NTF3: variants seen among roughly 807,000 people sequenced by gnomAD.
NTF3 encodes neurotrophin 3.
In NTF3, 8 loss-of-function variants were observed where a neutral mutation model predicts 26.3. That is an observed-to-expected ratio of 0.30 (90% confidence interval 0.18 to 0.55). The LOEUF is 0.55. Ranked by LOEUF, NTF3 falls within the 20% of genes least tolerant of loss-of-function variation. The pLI, the probability that NTF3 is intolerant of heterozygous loss-of-function variation, is 0.93. For missense variants in NTF3, 276 were observed against 352.9 expected (o/e 0.78, Z 1.75); for synonymous variants, 154 against 145.5 (o/e 1.06, Z -0.42).
intron 1 of NTF3, among the ~76,000 whole-genome samples, chr12:5,462,127 A>G (rs1940532929): frequency 6.6e-6 from 1 of 152,212 alleles, no homozygotes; most frequent in Non-Finnish European, 1.5e-5. Flanking sequence ...AGGCATCACT[A>G]ATCAATTACA....
intron 1 of NTF3, among the ~76,000 whole-genome samples, chr12:5,465,838 G>A (rs1187819787): frequency 1.3e-5 from 2 of 152,340 alleles, no homozygotes; most frequent in East Asian, 3.9e-4. Context: ...CCAAGGACTT[G>A]GCATCTATCT....
At chr12:5,460,884 A>AAC (rs147741960) in intron 1 of NTF3, among the ~76,000 whole-genome samples, 9 of 151,954 alleles carry the variant, frequency 5.9e-5, no homozygotes, top group African/African-American at 1.5e-4. Context: ...AACATCTTGG[A>AAC]ACACACACAC....
intron 1 of NTF3, among the ~76,000 whole-genome samples, chr12:5,478,800 G>A (rs559527319): frequency 1.1e-4 from 16 of 152,352 alleles, no homozygotes; most frequent in African/African-American, 3.6e-4. Flanking sequence ...CCTTTTAGGA[G>A]GGCTCTAATC....
chr12:5,447,090 G>A (rs1170333837), intron 1 of NTF3, among the ~76,000 whole-genome samples: 1 of 152,166 alleles, frequency 6.6e-6, no homozygotes, highest in Non-Finnish European at 1.5e-5. Context: ...CTCTGTGTCT[G>A]TCATGTAAGT....
In NTF3 at chr12:5,495,139, A is replaced by G. The variant is rs1940992994; in HGVS notation, c.*151A>G. 8.2e-6 allele frequency: 7 copies of G among 853,198 alleles called. No homozygotes were observed. In the South Asian group the frequency reaches 1.2e-4, roughly 14 times the overall value. 52.9% of individuals were successfully genotyped at this position (853,198 alleles called of 1,614,324 possible). A position where few individuals can be genotyped will look rare whatever the true frequency, so the allele number is the denominator to read the frequency against. On this transcript the variant is annotated 3_prime_UTR_variant, in exon 2 of 2. Transcript: ENST00000423158. The stretch of plus-strand genomic sequence containing the variant: ...ACAGTATATAAGCTTTTTTCTCAAT[A>G]AAATCAGTGTGCTTGCCTTCCCTCA...
chr12:5,458,041 A>T (rs1244075537), intron 1 of NTF3, among the ~76,000 whole-genome samples: 1 of 152,168 alleles, frequency 6.6e-6, no homozygotes, highest in Non-Finnish European at 1.5e-5. Flanking sequence ...TTGAAATCTT[A>T]TAATGGCTCT....
At chr12:5,458,160 C>T (rs933553895) in intron 1 of NTF3, among the ~76,000 whole-genome samples, 1 of 152,140 alleles carries the variant, frequency 6.6e-6, no homozygotes, top group African/African-American at 2.4e-5. Context: ...TTTTGTTTCC[C>T]AGAATGCACA....
rs772851614 is a variant in NTF3 at position 5,494,559 on chromosome 12, G to A, written c.384G>A (p.Pro128=). 5 of 1,614,056 alleles carry A rather than the reference G, an allele frequency of 3.1e-6. No homozygotes were observed. In the South Asian group the frequency reaches 3.3e-5, roughly 11 times the overall value. Residue 128 remains proline (P), a synonymous_variant, in exon 2 of 2, where the codon CCG becomes CCA. Coordinates refer to ENST00000423158, the MANE Select transcript of NTF3 (RefSeq NM_001102654.2). The surrounding 1 kb of genome is among the most constrained non-coding windows in gnomAD (Gnocchi z 8.3). ...GCGACAGCACCCCCTTGGAGCCCCC[G>A]CCCTTGTATCTCATGGAGGATTACG... ...LLSDSTPLEP[P]PLYLMEDYVG...
At chr12:5,446,339 C>G (rs1350885832) in intron 1 of NTF3, among the ~76,000 whole-genome samples, 1 of 152,168 alleles carries the variant, frequency 6.6e-6, no homozygotes, top group Non-Finnish European at 1.5e-5. Context: ...CACTGGTTCT[C>G]CCCAGTAATT....
chr12:5,442,377 T>G (rs74056353), intron 1 of NTF3, among the ~76,000 whole-genome samples: 138 of 152,260 alleles, frequency 9.1e-4, no homozygotes, highest in African/African-American at 3.1e-3. Flanking sequence ...CCCTTGGTCC[T>G]TGTGGGGAGA....
chr12:5,486,195 G>A (rs1940864129), intron 1 of NTF3, among the ~76,000 whole-genome samples: 1 of 152,234 alleles, frequency 6.6e-6, no homozygotes, highest in Admixed American at 6.5e-5. Flanking sequence ...ACTTTCTGCA[G>A]CCAAGTCCTC....
upstream of NTF3, chr12:5,432,057 A>T: frequency 2.6e-6 from 1 of 383,824 alleles, no homozygotes; most frequent in East Asian, 5.6e-5. Flanking sequence ...CTGAGCGCGG[A>T]GCCATCTGGC....
Position 5,433,107 on chromosome 12 carries a change from G to A in NTF3, c.18+765G>A, listed in dbSNP as rs974548638. On this transcript the variant is annotated intron_variant, in intron 1 of 1. Transcript: ENST00000423158. This position sits in a 1 kb window ranked among gnomAD's most constrained non-coding sequence, Gnocchi z 4.6. Reference sequence around the variant, plus strand: ...TTTTCAGAAAAGACCTCGCGCCCCGGGCTCCTCTTGGCCAGCGCCCACCCG... The same window carrying A: ...TTTTCAGAAAAGACCTCGCGCCCCGAGCTCCTCTTGGCCAGCGCCCACCCG... The A allele has an allele frequency of 1.3e-5, 2 of 152,332 alleles. No homozygotes were observed. Among genetic ancestry groups the A allele is most frequent in the Non-Finnish European group, 2.9e-5 (2 of 68,130 alleles). 9.4% of individuals were successfully genotyped at this position (152,332 alleles called of 1,614,324 possible). A position where few individuals can be genotyped will look rare whatever the true frequency, so the allele number is the denominator to read the frequency against.
chr12:5,474,951 G>A (rs1231190766), intron 1 of NTF3, among the ~76,000 whole-genome samples: 1 of 152,160 alleles, frequency 6.6e-6, no homozygotes, highest in Admixed American at 6.5e-5. Flanking sequence ...AGCAGGGTTT[G>A]GGGGAGGATG....
chr12:5,474,162 G>A (rs1259332628), intron 1 of NTF3, among the ~76,000 whole-genome samples: 3 of 152,208 alleles, frequency 2.0e-5, no homozygotes, highest in Non-Finnish European at 4.4e-5. Flanking sequence ...TCATCCCTTT[G>A]ATCCAGTGAC....
At chr12:5,492,574 A>G (rs965505928) in intron 1 of NTF3, among the ~76,000 whole-genome samples, 2 of 152,214 alleles carry the variant, frequency 1.3e-5, no homozygotes, top group South Asian at 2.1e-4. Context: ...GGATAGTACA[A>G]TTCCTTAGAG....
chr12:5,481,455 C>A (rs1215487420), intron 1 of NTF3, among the ~76,000 whole-genome samples: 1 of 150,728 alleles, frequency 6.6e-6, no homozygotes, highest in Non-Finnish European at 1.5e-5. Flanking sequence ...GCAGCACAGA[C>A]ACACACAGAA....
chr12:5,463,883 G>T (rs1940554126), intron 1 of NTF3, among the ~76,000 whole-genome samples: 1 of 152,148 alleles, frequency 6.6e-6, no homozygotes, highest in Non-Finnish European at 1.5e-5. Context: ...AAATTAGGAG[G>T]TTGAATTATG....
At chr12:5,465,243 CA>C (rs1401057864) in intron 1 of NTF3, among the ~76,000 whole-genome samples, 3 of 152,216 alleles carry the variant, frequency 2.0e-5, no homozygotes, top group Non-Finnish European at 4.4e-5. Context: ...GGGACAGCTT[CA>C]GGGAGAGCCC....
Sources: allele counts gnomAD v4.1 joint callset (sites outside exome capture counted in the v4.1 genomes callset), GRCh38; gene constraint gnomAD v4.1.1; non-coding constraint Gnocchi (gnomAD v3.1); transcripts MANE v1.5; gene names NCBI Gene and HGNC (gene_info 2026-07-23, HGNC 2026-07-21).